RSRC1: variants seen among roughly 807,000 people sequenced by gnomAD.
The protein encoded by RSRC1 is arginine and serine rich coiled-coil 1, also known as serine/Arginine-related protein 53.
A neutral mutation model predicts 49.1 loss-of-function variants in RSRC1; 39 were observed. That is an observed-to-expected ratio of 0.79 (90% CI 0.61 to 1.04). The LOEUF is 1.04. Ranked by LOEUF, RSRC1 falls within the 50% of genes least tolerant of loss-of-function variation. The pLI, the probability that RSRC1 is intolerant of heterozygous loss-of-function variation, is 0.00. For missense variants in RSRC1, 388 were observed against 402.4 expected (o/e 0.96, Z 0.31); for synonymous variants, 143 against 130.8 (o/e 1.09, Z -0.63).
chr3:158,510,208 C>T (rs1287553051), intron 7 of RSRC1, among the ~76,000 whole-genome samples: 2 of 152,136 alleles, frequency 1.3e-5, no homozygotes, highest in African/African-American at 2.4e-5. Context: ...TACTAATGGG[C>T]TTGAGCGTCT....
At chr3:158,272,635 TG>T (rs1355247219) in intron 4 of RSRC1, among the ~76,000 whole-genome samples, 1 of 152,074 alleles carries the variant, frequency 6.6e-6, no homozygotes, top group East Asian at 1.9e-4. Flanking sequence ...CAGTAGTAAC[TG>T]GGGGAAAAGG....
rs143717898 is a variant in RSRC1, at chr3:158,453,330, A to G, written c.584-7605A>G. Among the ~76,000 whole-genome samples, 17 of 150,732 alleles carry G rather than the reference A, an allele frequency of 1.1e-4. No homozygotes were observed. The East Asian group carries it at 3.1e-3, about 28-fold the overall frequency. On this transcript the variant is annotated intron_variant, in intron 6 of 9. Transcript: ENST00000611884. ...CAAGTGGGATTGCTTGATGCAGGGT[A>G]TATGTATTTTCAATTTTGTCAGATA...
At chr3:158,223,538 A>G (rs1218613641) in intron 4 of RSRC1, among the ~76,000 whole-genome samples, 1 of 151,262 alleles carries the variant, frequency 6.6e-6, no homozygotes, top group Admixed American at 6.6e-5. Context: ...CTCCACTGAT[A>G]CAGACCAAGC....
At chr3:158,506,269 A>G (rs1393306701) in intron 7 of RSRC1, among the ~76,000 whole-genome samples, 1 of 152,162 alleles carries the variant, frequency 6.6e-6, no homozygotes. Flanking sequence ...CATAATAATA[A>G]TAATAATTCC....
At chr3:158,325,428 G>C (rs2108178915) in intron 5 of RSRC1, among the ~76,000 whole-genome samples, 1 of 152,336 alleles carries the variant, frequency 6.6e-6, no homozygotes, top group East Asian at 1.9e-4. Flanking sequence ...AAGTGATCCA[G>C]TTTCAGCTTT....
chr3:158,351,401 G>T (rs1366564743), intron 5 of RSRC1, among the ~76,000 whole-genome samples: 1 of 152,172 alleles, frequency 6.6e-6, no homozygotes, highest in Non-Finnish European at 1.5e-5. Context: ...GAAGAAAAAG[G>T]CTTGAGCAAT....
At chr3:158,339,277 C>T (rs6772246) in intron 5 of RSRC1, among the ~76,000 whole-genome samples, 32,218 of 129,122 alleles carry the variant, frequency 0.25, 4,153 homozygotes, top group Middle Eastern at 0.37. Flanking sequence ...CCGGCCTGGG[C>T]GACAGAGCGA....
At chr3:158,474,715 T>G (rs1271689077) in intron 7 of RSRC1, among the ~76,000 whole-genome samples, 1 of 152,202 alleles carries the variant, frequency 6.6e-6, no homozygotes, top group Non-Finnish European at 1.5e-5. Flanking sequence ...CATTCAGTCA[T>G]ATCTTCAGGC....
chr3:158,195,038 G>A (rs1720495244), intron 3 of RSRC1, among the ~76,000 whole-genome samples: 1 of 152,146 alleles, frequency 6.6e-6, no homozygotes, highest in African/African-American at 2.4e-5. Flanking sequence ...GGGTCATATG[G>A]TATTTCTAGT....
intron 7 of RSRC1, among the ~76,000 whole-genome samples, chr3:158,505,308 G>A (rs1739802373): frequency 6.6e-6 from 1 of 152,134 alleles, no homozygotes; most frequent in African/African-American, 2.4e-5. Flanking sequence ...CTGTCACCCT[G>A]GAGGTGTTCC....
intron 3 of RSRC1, among the ~76,000 whole-genome samples, chr3:158,170,485 A>G (rs1303387653): frequency 6.6e-6 from 1 of 152,124 alleles, no homozygotes; most frequent in Non-Finnish European, 1.5e-5. Context: ...CATTTTCCCC[A>G]CTAATTACAA....
chr3:158,144,172 A>C (rs1223040063), intron 3 of RSRC1, among the ~76,000 whole-genome samples: 1 of 152,190 alleles, frequency 6.6e-6, no homozygotes, highest in African/African-American at 2.4e-5. Flanking sequence ...TTTAGGGTAC[A>C]TGTGCACAAC....
chr3:158,464,048 GGAAAACT>G (rs1184310391), intron 7 of RSRC1, among the ~76,000 whole-genome samples: 1 of 151,952 alleles, frequency 6.6e-6, no homozygotes, highest in Non-Finnish European at 1.5e-5. Context: ...TTATAATTTA[GGAAAACT>G]GAATAGTATT....
intron 3 of RSRC1, among the ~76,000 whole-genome samples, chr3:158,180,417 GC>G (rs1330338290): frequency 7.3e-3 from 13 of 1,786 alleles, no homozygotes; most frequent in African/African-American, 0.028. Flanking sequence ...TTTTTTTTTT[GC>G]CGTGTGTGTG....
At chr3:158,140,424 G>A (rs1211857579) in intron 3 of RSRC1, among the ~76,000 whole-genome samples, 1 of 152,132 alleles carries the variant, frequency 6.6e-6, no homozygotes, top group African/African-American at 2.4e-5. Flanking sequence ...TCTGCTAATG[G>A]CCACTATTAC....
intron 6 of RSRC1, among the ~76,000 whole-genome samples, chr3:158,396,621 T>C (rs1033416698): frequency 5.3e-5 from 8 of 152,048 alleles, no homozygotes; most frequent in African/African-American, 1.7e-4. Context: ...ACCCATACTA[T>C]AATGGCAAGA....
chr3:158,363,000 A>T (rs1368259711), intron 6 of RSRC1, among the ~76,000 whole-genome samples: 1 of 152,204 alleles, frequency 6.6e-6, no homozygotes, highest in South Asian at 2.1e-4. Flanking sequence ...CTTTTTGTAC[A>T]TATGTGGTAA....
intron 3 of RSRC1, among the ~76,000 whole-genome samples, chr3:158,187,256 T>A (rs988712159): frequency 3.3e-5 from 5 of 151,994 alleles, no homozygotes; most frequent in Admixed American, 6.6e-5. Context: ...ATAAAGTACA[T>A]GAATATAGCT....
At chr3:158,437,415 A>G in intron 6 of RSRC1, among the ~76,000 whole-genome samples, 1 of 151,556 alleles carries the variant, frequency 6.6e-6, no homozygotes, top group East Asian at 1.9e-4. Context: ...AAATGGTTAC[A>G]GTATAACTGG....
Sources: allele counts gnomAD v4.1 joint callset (sites outside exome capture counted in the v4.1 genomes callset), GRCh38; gene constraint gnomAD v4.1.1; transcripts MANE v1.5; gene names NCBI Gene and HGNC (gene_info 2026-07-23, HGNC 2026-07-21).